The following ANXA4 variants were observed in gnomAD, a reference collection of about 807,000 sequenced individuals.
The protein encoded by ANXA4 is 35-beta calcimedin.
Under a neutral mutation model 49.8 loss-of-function variants are expected in ANXA4, and 39 were observed. The ratio of observed to expected loss-of-function variants is 0.78; its 90% CI spans 0.61 to 1.02. The LOEUF is 1.02. ANXA4 is among the 50% of genes least tolerant of loss of function. The pLI is 0.00. For missense variants in ANXA4, 360 were observed against 410.1 expected (o/e 0.88, Z 1.05); for synonymous variants, 134 against 152.5 (o/e 0.88, Z 0.89).
intron 2 of ANXA4, among the ~76,000 whole-genome samples, chr2:69,695,163 T>C (rs1179631325): frequency 2.0e-5 from 3 of 151,474 alleles, no homozygotes; most frequent in Non-Finnish European, 4.4e-5. Context: ...AAAAAAAAAG[T>C]ACACATTAAA....
At chr2:69,734,205 C>T (rs1270304108) in intron 3 of ANXA4, among the ~76,000 whole-genome samples, 1 of 152,222 alleles carries the variant, frequency 6.6e-6, no homozygotes, top group Non-Finnish European at 1.5e-5. Flanking sequence ...TCTAGTCTCT[C>T]CTCCTCACTG....
At chr2:69,683,527 T>C (rs147694290) in intron 2 of ANXA4, among the ~76,000 whole-genome samples, 1 of 152,302 alleles carries the variant, frequency 6.6e-6, no homozygotes, top group Non-Finnish European at 1.5e-5. Context: ...TTAGTTTTGT[T>C]TTGAAATTAC....
At position 69,804,515 on chromosome 2, in the gene ANXA4, T is replaced by A. The variant is rs760520200; in HGVS notation, c.98-18T>A. 8.1e-6 allele frequency: 13 copies of A among 1,605,066 alleles called. No homozygotes were observed. The South Asian group carries it at 1.4e-4, about 18-fold the overall frequency. On this transcript the variant is annotated intron_variant, in intron 3 of 12. Coordinates refer to ENST00000394295, the MANE Select transcript of ANXA4 (RefSeq NM_001153.5). ...TCTCTCAAATCACACTTACCTGCTG[T>A]CTCCCTTCTTCCCCCAGGCACCGAT...
At chr2:69,687,885 G>T (rs964746844) in intron 2 of ANXA4, among the ~76,000 whole-genome samples, 1 of 152,152 alleles carries the variant, frequency 6.6e-6, no homozygotes, top group Non-Finnish European at 1.5e-5. Flanking sequence ...ACAAATGCCT[G>T]AACATATCAT....
chr2:69,660,906 G>C (rs773275849), intron 2 of ANXA4, among the ~76,000 whole-genome samples: 1 of 152,036 alleles, frequency 6.6e-6, no homozygotes, highest in African/African-American at 2.4e-5. Flanking sequence ...GGCTGAGAAT[G>C]TCCAGGACTG....
Position 69,723,634 on chromosome 2 carries a change from T to TA in ANXA4, n.864+2764dup, listed in dbSNP as rs143108794. On this transcript the variant is annotated intron_variant and non_coding_transcript_variant, in intron 3 of 3. Coordinates refer to the ANXA4 transcript ENST00000418066. Reference sequence around the variant, plus strand: ...ACAAATTTTATGACATAAAATTTCTTATGCCGTTTATCTATAACTTTGGAT... The same window carrying TA: ...ACAAATTTTATGACATAAAATTTCTTAATGCCGTTTATCTATAACTTTGGAT... Among the ~76,000 whole-genome samples, 28 of 152,368 alleles carry TA rather than the reference T, an allele frequency of 1.8e-4. 1 individual carries two copies. In the East Asian group the frequency reaches 5.2e-3, roughly 28 times the overall value.
At chr2:69,755,687 T>C (rs904242579) in intron 1 of ANXA4, among the ~76,000 whole-genome samples, 5 of 152,202 alleles carry the variant, frequency 3.3e-5, no homozygotes, top group African/African-American at 1.2e-4. Context: ...TAAATCTTGC[T>C]TTTGTTATTC....
intron 9 of ANXA4, chr2:69,817,626 C>A (rs1438383457): frequency 1.3e-5 from 2 of 152,150 alleles, no homozygotes; most frequent in Non-Finnish European, 2.9e-5. Flanking sequence ...TGAACACCTT[C>A]AGGAAGAACA....
intron 1 of ANXA4, among the ~76,000 whole-genome samples, chr2:69,771,094 CAAAAAAAAAAAAAAGAA>C (rs1421683902): frequency 1.5e-3 from 63 of 42,418 alleles, no homozygotes; most frequent in South Asian, 0.012. Flanking sequence ...ACCCTGTCTC[CAAAAAAAAAAAAAAGAA>C]AAAAAAAAAA....
rs553824266 is a variant in ANXA4 at position 69,764,397 on chromosome 2, TTAAA to T, written c.-46-17119_-46-17116del. Among the ~76,000 whole-genome samples the T allele has an allele frequency of 4.5e-4, 69 of 152,316 alleles. No homozygotes were observed. In the East Asian group the frequency reaches 8.7e-3, roughly 19 times the overall value. On this transcript the variant is annotated intron_variant, in intron 1 of 12. Transcript: ENST00000394295. The stretch of plus-strand genomic sequence containing the variant: ...TAACCATGCTTGACACATTTTCTCT[TTAAA>T]TAACAGTTATACTTGAGGAGAGGAT...
At chr2:69,775,629 G>A (rs1671931446) in intron 1 of ANXA4, among the ~76,000 whole-genome samples, 2 of 152,244 alleles carry the variant, frequency 1.3e-5, no homozygotes, top group African/African-American at 2.4e-5. Flanking sequence ...TAGTTTTATA[G>A]GGTCTTTCCA....
intron 2 of ANXA4, among the ~76,000 whole-genome samples, chr2:69,710,004 T>TTTTTA (rs1678626910): frequency 1.4e-5 from 2 of 141,216 alleles, no homozygotes; most frequent in East Asian, 3.9e-4. Flanking sequence ...TTTTTTTTTT[T>TTTTTA]GAGACAGAGT....
chr2:69,781,369 T>C, intron 1 of ANXA4, 151 bp from the exon 2 acceptor site: 1 of 637,560 alleles, frequency 1.6e-6, no homozygotes, highest in Non-Finnish European at 2.8e-6. Flanking sequence ...GCCCATTCCT[T>C]GTATCTTTGG....
intron 2 of ANXA4, among the ~76,000 whole-genome samples, chr2:69,670,780 C>G (rs79037124): frequency 6.6e-5 from 10 of 151,832 alleles, no homozygotes; most frequent in Non-Finnish European, 1.2e-4. Flanking sequence ...TCCCAGCACT[C>G]TAGGAGGTTG....
chr2:69,663,069 T>C (rs1357303621), intron 2 of ANXA4, among the ~76,000 whole-genome samples: 1 of 144,508 alleles, frequency 6.9e-6, no homozygotes, highest in African/African-American at 2.5e-5. Context: ...CTCCACTCAC[T>C]GCAAGCTCCG....
intron 3 of ANXA4, among the ~76,000 whole-genome samples, chr2:69,733,743 A>G (rs1346946244): frequency 6.6e-6 from 1 of 152,174 alleles, no homozygotes; most frequent in Non-Finnish European, 1.5e-5. Context: ...GCCTGTTTTA[A>G]TCTATGAAAG....
Position 69,654,295 on chromosome 2 carries a change from G to A in ANXA4, n.766+1013G>A, listed in dbSNP as rs144697056. On this transcript the variant is annotated intron_variant and non_coding_transcript_variant, in intron 2 of 3. Transcript: ENST00000418066. ...CTTTATTTCTTTCTATTGCCTGATT[G>A]CCCTGGCCAGAACTTCCAATACTAT... 6.3e-3 allele frequency among the ~76,000 whole-genome samples: 953 copies of A among 152,128 alleles called. 19 individuals carry two copies. Among genetic ancestry groups the A allele is most frequent in the East Asian group, 0.011 (57 of 5,180 alleles).
upstream of ANXA4, among the ~76,000 whole-genome samples, chr2:69,739,892 G>A (rs774634589): frequency 6.6e-6 from 1 of 152,208 alleles, no homozygotes; most frequent in African/African-American, 2.4e-5. Flanking sequence ...GAGGGAAATA[G>A]GATAGGCCAG....
intron 2 of ANXA4, among the ~76,000 whole-genome samples, chr2:69,696,495 ACT>A (rs910466835): frequency 2.0e-5 from 3 of 152,006 alleles, no homozygotes; most frequent in African/African-American, 4.8e-5. Context: ...CTTCCTCCAA[ACT>A]CTGTTGATGT....
Sources: allele counts gnomAD v4.1 joint callset (sites outside exome capture counted in the v4.1 genomes callset), GRCh38; gene constraint gnomAD v4.1.1; transcripts MANE v1.5; gene names NCBI Gene and HGNC (gene_info 2026-07-23, HGNC 2026-07-21).